Variants in BAZ2B observed in about 807,000 individuals in gnomAD.
BAZ2B encodes bromodomain adjacent to zinc finger domain protein 2B.
BAZ2B carries 91 observed loss-of-function variants against 246.0 expected under a neutral mutation model. The observed-to-expected ratio is 0.37, with a 90% CI of 0.31 to 0.44. The LOEUF (loss-of-function observed/expected upper bound fraction) is 0.44, where lower values mean the gene tolerates loss of function less well. Ranked by LOEUF, BAZ2B falls within the 20% of genes least tolerant of loss-of-function variation. The pLI, the probability that BAZ2B is intolerant of heterozygous loss-of-function variation, is 1.00. For missense variants in BAZ2B, 2,332 were observed against 2,533.7 expected (o/e 0.92, Z 1.71); for synonymous variants, 855 against 860.0 (o/e 0.99, Z 0.10).
chr2:159,448,361 G>A lies in BAZ2B; in HGVS notation c.383C>T (p.Thr128Ile). 1 of 1,612,448 alleles carries A rather than the reference G, an allele frequency of 6.2e-7. No homozygotes were observed. Residue 128 changes from threonine (T) to isoleucine (I), a missense_variant, in exon 5 of 37, where the codon ACC becomes ATC. This residue lies in a region of BAZ2B where 242 missense variants were observed against 237.4 expected (regional missense o/e 1.02). Transcript: ENST00000392783. The part of the protein sequence containing the change: ...TTDAHTRTGA[T>I]FFPPLLGIPP... ...AATTCCCAGTAATGGTGGAAAGAAG[G>A]TTGCTCCTGTACGAGTATGAGCATC...
chr2:159,589,288 T>G (rs1688750716), intron 1 of BAZ2B, among the ~76,000 whole-genome samples: 1 of 152,058 alleles, frequency 6.6e-6, no homozygotes, highest in Non-Finnish European at 1.5e-5. Context: ...TTTATGGGTC[T>G]ACAATGAAGT....
At chr2:159,557,633 G>T (rs1023751599) in intron 1 of BAZ2B, among the ~76,000 whole-genome samples, 10 of 152,052 alleles carry the variant, frequency 6.6e-5, no homozygotes, top group African/African-American at 2.4e-4. Flanking sequence ...CCTTAGAGAG[G>T]CCTTCCTTTA....
the BAZ2B span, among the ~76,000 whole-genome samples, chr2:159,706,132 T>C: frequency 2.5e-5 from 3 of 121,120 alleles, no homozygotes; most frequent in Non-Finnish European, 5.9e-5. Flanking sequence ...TGTGTGACCA[T>C]GCAGAAAGTA....
the BAZ2B span, among the ~76,000 whole-genome samples, chr2:159,691,997 T>C: frequency 6.6e-6 from 1 of 152,224 alleles, no homozygotes; most frequent in African/African-American, 2.4e-5. Flanking sequence ...TTCTCTCCAC[T>C]GTGAATGATG....
chr2:159,444,603 A>G (rs2073968221), intron 6 of BAZ2B: 1 of 152,220 alleles, frequency 6.6e-6, no homozygotes, highest in Non-Finnish European at 1.5e-5. Context: ...AAGGATAAAG[A>G]AAGTTTGACA....
the BAZ2B span, among the ~76,000 whole-genome samples, chr2:159,631,996 T>C: frequency 6.6e-6 from 1 of 152,176 alleles, no homozygotes; most frequent in African/African-American, 2.4e-5. Flanking sequence ...ATAGGTAAGC[T>C]GCAGACAATT....
chr2:159,448,505 A>G, intron 4 of BAZ2B, 96 bp from the exon 5 acceptor site: 1 of 1,412,338 alleles, frequency 7.1e-7, no homozygotes, highest in Non-Finnish European at 9.4e-7. Context: ...AAAAATTTCA[A>G]GTTTCATCTT....
chr2:159,388,953 G>T (rs928151661), intron 21 of BAZ2B, among the ~76,000 whole-genome samples: 1 of 152,040 alleles, frequency 6.6e-6, no homozygotes, highest in Non-Finnish European at 1.5e-5. Context: ...GGTGGCAAGC[G>T]CCTGTGGTCC....
At chr2:159,576,912 CAAAA>C (rs34337483) in intron 1 of BAZ2B, among the ~76,000 whole-genome samples, 2 of 51,150 alleles carry the variant, frequency 3.9e-5, no homozygotes, top group Non-Finnish European at 6.8e-5. Context: ...GACTGTGTCT[CAAAA>C]AAAAAAAAAA....
chr2:159,457,280 T>C (rs984813090), intron 3 of BAZ2B, among the ~76,000 whole-genome samples: 1 of 152,220 alleles, frequency 6.6e-6, no homozygotes, highest in Non-Finnish European at 1.5e-5. Context: ...TTTTATACCA[T>C]AATGTATAAA....
rs58161936 is a variant in BAZ2B at position 159,368,858 on chromosome 2, TAAAAAAAAAA to T, written c.4213+4177_4213+4186del. On this transcript the variant is annotated intron_variant, in intron 27 of 36. Coordinates refer to ENST00000392783, the MANE Select transcript of BAZ2B (RefSeq NM_013450.4). ...TCAATCAATGATAATCTGAAAGGCC[TAAAAAAAAAA>T]AAAAAAAAAAAAAAACTGTCTCCTA... 1.6e-3 allele frequency among the ~76,000 whole-genome samples: 203 copies of T among 123,852 alleles called. 1 individual carries two copies. In the East Asian group the frequency reaches 0.027, roughly 16 times the overall value. 81.3% of individuals were successfully genotyped at this position (123,852 alleles called of 152,430 possible).
At chr2:159,613,077 G>A (rs1695035718) in intron 1 of BAZ2B, among the ~76,000 whole-genome samples, 2 of 151,570 alleles carry the variant, frequency 1.3e-5, no homozygotes, top group African/African-American at 2.4e-5. Flanking sequence ...GAAAAAACCT[G>A]CATAAGAATC....
At chr2:159,324,322 C>T (rs2063138188) in intron 36 of BAZ2B, among the ~76,000 whole-genome samples, 2 of 152,178 alleles carry the variant, frequency 1.3e-5, no homozygotes, top group South Asian at 4.1e-4. Flanking sequence ...CAATAACTCA[C>T]ATTAAAGCTC....
Position 159,405,003 on chromosome 2 carries a change from T to C in BAZ2B, c.2770+19A>G, listed in dbSNP as rs2065678954. 3 of 1,613,358 alleles carry C rather than the reference T, an allele frequency of 1.9e-6. No individual in the cohort carries two copies. The highest frequency in any genetic ancestry group is 2.5e-6 in the Non-Finnish European group (3 of 1,179,614). ...CCAGTACTGACTCTTCGAGTTTATG[T>C]TACATTTAAATCACTCACCTTGTTG... On this transcript the variant is annotated intron_variant, in intron 15 of 36. Coordinates refer to ENST00000392783, the MANE Select transcript of BAZ2B (RefSeq NM_013450.4).
At chr2:159,454,348 T>C (rs150270947) in intron 3 of BAZ2B, among the ~76,000 whole-genome samples, 1 of 152,298 alleles carries the variant, frequency 6.6e-6, no homozygotes, top group African/African-American at 2.4e-5. Flanking sequence ...TTCTAAGAAA[T>C]GCATTGTTAG....
intron 16 of BAZ2B, 59 bp from the exon 17 acceptor site, chr2:159,400,723 T>C (rs1559271107): frequency 9.9e-7 from 1 of 1,012,788 alleles, no homozygotes; most frequent in African/African-American, 1.6e-5. Context: ...GTAAAGAGTA[T>C]TTGAGTGGAA....
intron 1 of BAZ2B, among the ~76,000 whole-genome samples, chr2:159,588,226 A>AAGAG: frequency 6.6e-6 from 1 of 151,720 alleles, no homozygotes; most frequent in Non-Finnish European, 1.5e-5. Flanking sequence ...AAAAAAAAAA[A>AAGAG]AAAAAACCCC....
chr2:159,669,323 C>T, the BAZ2B span, among the ~76,000 whole-genome samples: 2 of 151,934 alleles, frequency 1.3e-5, no homozygotes, highest in Admixed American at 1.3e-4. Flanking sequence ...AATTTCATTC[C>T]TTTTAAGTTT....
rs139683176 is a variant in BAZ2B, at chr2:159,607,475, C to T, written c.-46+8767G>A. ...AAGGGTAGTTTTGTCAGTTTTAACCCGGCCTTCACAAATAAGCCTATCACT... is the reference window on the plus strand; with the variant it reads ...AAGGGTAGTTTTGTCAGTTTTAACCTGGCCTTCACAAATAAGCCTATCACT... On this transcript the variant is annotated intron_variant, in intron 1 of 36. Transcript: ENST00000392783. Among the ~76,000 whole-genome samples, 228 of 152,186 alleles carry T rather than the reference C, an allele frequency of 1.5e-3. 1 individual carries two copies. Among genetic ancestry groups the T allele is most frequent in the Non-Finnish European group, 2.6e-3 (180 of 68,002 alleles).
Sources: allele counts gnomAD v4.1 joint callset (sites outside exome capture counted in the v4.1 genomes callset), GRCh38; gene constraint gnomAD v4.1.1; regional missense constraint gnomAD v4.1.1; transcripts MANE v1.5; gene names NCBI Gene and HGNC (gene_info 2026-07-23, HGNC 2026-07-21).